Variants in TBC1D5 observed in about 807,000 individuals in gnomAD.
TBC1D5 encodes TBC1 domain family member 5.
Under a neutral mutation model 100.3 loss-of-function variants are expected in TBC1D5, and 75 were observed. The ratio of observed to expected loss-of-function variants is 0.75; its 90% CI spans 0.62 to 0.91. TBC1D5 has a LOEUF of 0.91. Among genes scored for constraint, TBC1D5 ranks in the 40% least tolerant of loss-of-function variants. The pLI is 0.00. For synonymous variants in TBC1D5, 323 were observed against 325.6 expected (o/e 0.99, Z 0.09); for missense variants, 910 against 942.4 (o/e 0.97, Z 0.45).
chr3:17,343,260 G>A lies in TBC1D5; in HGVS notation c.995+28815C>T, dbSNP rs540464030. ...TTGTCTTTGGTTCTGTTTATATGCT[G>A]TATTACATTTATTGATTTGCGTATA... is the stretch of plus-strand genomic sequence containing the variant. On this transcript the variant is annotated intron_variant, in intron 13 of 21. Transcript: ENST00000253692. Among the ~76,000 whole-genome samples the A allele has an allele frequency of 1.0e-3, 155 of 152,124 alleles. 1 individual carries two copies. Among genetic ancestry groups the A allele is most frequent in the African/African-American group, 3.6e-3 (150 of 41,486 alleles).
At chr3:17,453,121 A>G (rs2094968051) in intron 3 of TBC1D5, among the ~76,000 whole-genome samples, 2 of 151,694 alleles carry the variant, frequency 1.3e-5, no homozygotes, top group African/African-American at 4.8e-5. Flanking sequence ...AACAAATGAT[A>G]ATGGAAACAC....
At chr3:17,522,809 T>C (rs998707934) in intron 2 of TBC1D5, among the ~76,000 whole-genome samples, 5 of 152,298 alleles carry the variant, frequency 3.3e-5, no homozygotes, top group Non-Finnish European at 5.9e-5. Context: ...TCTAAGTACA[T>C]TAGAGTTCTA....
rs192719161 is a variant in TBC1D5, at chr3:17,539,872, T to G, written c.-35-31267A>C. 3.6e-3 allele frequency among the ~76,000 whole-genome samples: 545 copies of G among 152,346 alleles called. 4 individuals are homozygous for G. The highest frequency in any genetic ancestry group is 0.012 in the African/African-American group (517 of 41,582). On this transcript the variant is annotated intron_variant, in intron 2 of 21. Transcript: ENST00000253692. The stretch of plus-strand genomic sequence containing the variant: ...GGGATACACCCAGAAGTGGCATCAC[T>G]ACATCATATGGAAATTCTATTTTCA...
intron 18 of TBC1D5, among the ~76,000 whole-genome samples, chr3:17,205,146 T>C (rs2071987550): frequency 6.6e-6 from 1 of 152,242 alleles, no homozygotes; most frequent in African/African-American, 2.4e-5. Flanking sequence ...TAAACTATAC[T>C]AAATGGGAAT....
chr3:17,346,092 A>G (rs898151876), intron 13 of TBC1D5, among the ~76,000 whole-genome samples: 1 of 152,186 alleles, frequency 6.6e-6, no homozygotes, highest in African/African-American at 2.4e-5. Context: ...AGAATTTTTC[A>G]GTATAATACT....
chr3:17,662,627 A>T (rs868187365), intron 1 of TBC1D5, among the ~76,000 whole-genome samples: 1 of 152,284 alleles, frequency 6.6e-6, no homozygotes, highest in Middle Eastern at 3.4e-3. Context: ...TTTAATTTGA[A>T]TGCCTTTAGA....
At chr3:17,647,061 A>G (rs912450451) in intron 1 of TBC1D5, 5 of 152,172 alleles carry the variant, frequency 3.3e-5, no homozygotes, top group African/African-American at 9.7e-5. Context: ...CCAAAACTAA[A>G]GAGAAAAAAA....
chr3:17,704,007 A>G (rs1577636104), intron 1 of TBC1D5, among the ~76,000 whole-genome samples: 1 of 140,178 alleles, frequency 7.1e-6, no homozygotes, highest in African/African-American at 2.7e-5. Context: ...TAGTGGAGGG[A>G]AGGTCAGCAG....
chr3:17,605,097 G>A (rs528065916), intron 2 of TBC1D5, among the ~76,000 whole-genome samples: 2 of 152,238 alleles, frequency 1.3e-5, no homozygotes, highest in African/African-American at 4.8e-5. Context: ...ACTCTCTTTG[G>A]AGCAAAACCT....
chr3:17,564,399 A>G (rs2096580853), intron 2 of TBC1D5, among the ~76,000 whole-genome samples: 1 of 152,158 alleles, frequency 6.6e-6, no homozygotes, highest in Non-Finnish European at 1.5e-5. Flanking sequence ...ATTGGCTGAA[A>G]ACATTGGAGG....
intron 1 of TBC1D5, among the ~76,000 whole-genome samples, chr3:17,724,982 T>C (rs938283604): frequency 2.0e-5 from 3 of 152,196 alleles, no homozygotes; most frequent in Non-Finnish European, 4.4e-5. Flanking sequence ...AGAGGCTTCA[T>C]TGCTTAGGTC....
chr3:17,634,203 C>A (rs546961475), intron 1 of TBC1D5, among the ~76,000 whole-genome samples: 1 of 152,220 alleles, frequency 6.6e-6, no homozygotes, highest in South Asian at 2.1e-4. Flanking sequence ...ACTATATGAG[C>A]CAGCAATCCC....
chr3:17,447,478 G>A (rs922937522), intron 3 of TBC1D5, among the ~76,000 whole-genome samples: 2 of 152,092 alleles, frequency 1.3e-5, no homozygotes, highest in Admixed American at 6.5e-5. Flanking sequence ...GATCTGAAAC[G>A]GAAGAGACAT....
intron 8 of TBC1D5, among the ~76,000 whole-genome samples, chr3:17,397,993 T>C (rs1356601538): frequency 2.0e-5 from 3 of 152,154 alleles, no homozygotes; most frequent in Non-Finnish European, 4.4e-5. Context: ...AGATGCTGCA[T>C]ATATATTTTT....
At chr3:17,539,228 G>C (rs2096321773) in intron 2 of TBC1D5, among the ~76,000 whole-genome samples, 1 of 152,138 alleles carries the variant, frequency 6.6e-6, no homozygotes, top group Non-Finnish European at 1.5e-5. Context: ...GTAAGGGAGT[G>C]TCTGGGTTAA....
Position 17,681,849 on chromosome 3 carries a change from G to A in TBC1D5, c.-101+57494C>T, listed in dbSNP as rs555570293. ...CAAAGCTTCCTCTGTATTTACGGCC[G>A]CTCCTCATCAGTCGCATGACTTACC... is the stretch of plus-strand genomic sequence containing the variant. On this transcript the variant is annotated intron_variant, in intron 1 of 21. Transcript: ENST00000253692. Among the ~76,000 whole-genome samples, 8 of 151,618 alleles carry A rather than the reference G, an allele frequency of 5.3e-5. No homozygotes were observed. In the South Asian group the frequency reaches 8.3e-4, roughly 16 times the overall value.
At chr3:17,525,854 A>C (rs540875567) in intron 2 of TBC1D5, among the ~76,000 whole-genome samples, 1 of 152,104 alleles carries the variant, frequency 6.6e-6, no homozygotes, top group Non-Finnish European at 1.5e-5. Flanking sequence ...TTCTTTTTTA[A>C]ATTGATCTAT....
At chr3:17,455,596 T>C (rs1303848518) in intron 3 of TBC1D5, among the ~76,000 whole-genome samples, 1 of 151,418 alleles carries the variant, frequency 6.6e-6, no homozygotes, top group Non-Finnish European at 1.5e-5. Context: ...CCCAACACTT[T>C]GGGAGGCCAA....
intron 13 of TBC1D5, among the ~76,000 whole-genome samples, chr3:17,313,058 C>T (rs1318328019): frequency 6.6e-6 from 1 of 152,070 alleles, no homozygotes; most frequent in Non-Finnish European, 1.5e-5. Context: ...TCCAATAAAG[C>T]TAATGCATGA....
Sources: gnomAD v4.1 joint callset for allele counts (sites outside exome capture counted in the v4.1 genomes callset) on GRCh38, gnomAD v4.1.1 for gene constraint, MANE v1.5 for transcripts, NCBI Gene and HGNC (gene_info 2026-07-23, HGNC 2026-07-21) for gene names.